The following ANKS1B variants were observed in gnomAD, a reference collection of about 807,000 sequenced individuals.
ANKS1B encodes ankyrin repeat and sterile alpha motif domain-containing protein 1B.
A neutral mutation model predicts 148.3 loss-of-function variants in ANKS1B; 36 were observed. The ratio of observed to expected loss-of-function variants is 0.24; its 90% CI spans 0.19 to 0.32. The LOEUF is 0.32. ANKS1B is among the 10% of genes least tolerant of loss of function. ANKS1B has a pLI of 1.00. For synonymous variants in ANKS1B, 542 were observed against 560.8 expected, an observed-to-expected ratio of 0.97 and a Z score of 0.47; for missense variants, 1,157 against 1,542.6, an observed-to-expected ratio of 0.75 and a Z score of 4.19.
At chr12:99,967,299 A>G (rs2095496178) in intron 1 of ANKS1B, among the ~76,000 whole-genome samples, 1 of 152,178 alleles carries the variant, frequency 6.6e-6, no homozygotes, top group Non-Finnish European at 1.5e-5. Flanking sequence ...AGATGTTATC[A>G]CCTCCACTTT....
At chr12:99,303,115 C>T (rs753630194) in intron 12 of ANKS1B, among the ~76,000 whole-genome samples, 1 of 152,086 alleles carries the variant, frequency 6.6e-6, no homozygotes. Flanking sequence ...GGCAATACAG[C>T]AACCTCTAAG....
chr12:99,628,713 C>T (rs766341187), intron 9 of ANKS1B, among the ~76,000 whole-genome samples: 8 of 152,080 alleles, frequency 5.3e-5, no homozygotes, highest in Non-Finnish European at 1.2e-4. Context: ...CAAGGGGTCC[C>T]AATCTTGTGA....
chr12:99,113,071 A>T (rs960967759), intron 15 of ANKS1B, among the ~76,000 whole-genome samples: 1 of 152,218 alleles, frequency 6.6e-6, no homozygotes, highest in Non-Finnish European at 1.5e-5. Flanking sequence ...GCTCTTTAAA[A>T]TGTATCTTGA....
intron 17 of ANKS1B, among the ~76,000 whole-genome samples, chr12:99,000,395 A>C (rs1156327634): frequency 6.7e-6 from 1 of 149,350 alleles, no homozygotes; most frequent in Non-Finnish European, 1.5e-5. Context: ...CAGCCTCCTG[A>C]GTAGCTGGGA....
At chr12:99,066,960 A>T (rs1182096090) in intron 16 of ANKS1B, among the ~76,000 whole-genome samples, 1 of 152,168 alleles carries the variant, frequency 6.6e-6, no homozygotes, top group East Asian at 1.9e-4. Context: ...GTGCTCAGTG[A>T]GGATTCCAGG....
At chr12:99,769,476 T>C (rs1370134258) in intron 8 of ANKS1B, among the ~76,000 whole-genome samples, 1 of 152,172 alleles carries the variant, frequency 6.6e-6, no homozygotes, top group Non-Finnish European at 1.5e-5. Context: ...ACTTTTATTT[T>C]CCAAAAATGT....
In ANKS1B at chr12:98,907,005, C is replaced by CTGTGTG. The variant is rs59857138; in HGVS notation, c.2779-74875_2779-74870dup. 6.0e-3 allele frequency among the ~76,000 whole-genome samples: 876 copies of CTGTGTG among 145,738 alleles called. 11 individuals are homozygous for CTGTGTG. The highest frequency in any genetic ancestry group is 0.021 in the African/African-American group (845 of 39,352). ...CATATCATCCCCTCACATAGTTACT[C>CTGTGTG]TGTGTGTGTGTGTGTGTGTGTGTGT... On this transcript the variant is annotated intron_variant, in intron 17 of 26. Coordinates refer to ENST00000683438, the MANE Select transcript of ANKS1B (RefSeq NM_001352186.2).
chr12:99,463,415 C>T (rs540432401), intron 10 of ANKS1B, among the ~76,000 whole-genome samples: 3 of 152,304 alleles, frequency 2.0e-5, no homozygotes, highest in South Asian at 4.1e-4. Context: ...GTTCATCTCA[C>T]TAGGGAGTGC....
intron 17 of ANKS1B, among the ~76,000 whole-genome samples, chr12:98,947,692 T>C (rs2099847519): frequency 6.6e-6 from 1 of 152,186 alleles, no homozygotes; most frequent in African/African-American, 2.4e-5. Flanking sequence ...AGAATAAAGT[T>C]ATTTTCCATA....
chr12:99,006,230 C>T (rs929787653), intron 17 of ANKS1B, among the ~76,000 whole-genome samples: 3 of 152,142 alleles, frequency 2.0e-5, no homozygotes, highest in African/African-American at 4.8e-5. Context: ...AAGGCTATGC[C>T]GAGTGAAGAC....
intron 5 of ANKS1B, 125 bp downstream of exon 5, chr12:99,781,897 T>C: frequency 2.7e-6 from 2 of 752,664 alleles, no homozygotes; most frequent in Non-Finnish European, 4.3e-6. Flanking sequence ...TGAATACATA[T>C]CTGCATTTTA....
chr12:99,575,100 A>T (rs139620290), intron 9 of ANKS1B, among the ~76,000 whole-genome samples: 44 of 152,232 alleles, frequency 2.9e-4, no homozygotes, highest in African/African-American at 1.0e-3. Flanking sequence ...TATATCAGTA[A>T]ACCATTGGAC....
chr12:99,076,601 C>T (rs1054354853), intron 16 of ANKS1B, among the ~76,000 whole-genome samples: 2 of 152,084 alleles, frequency 1.3e-5, no homozygotes, highest in African/African-American at 4.8e-5. Context: ...GACATATAGC[C>T]AATGTCATCC....
intron 14 of ANKS1B, among the ~76,000 whole-genome samples, chr12:99,239,502 T>C (rs1379738880): frequency 2.0e-5 from 3 of 152,180 alleles, no homozygotes; most frequent in Non-Finnish European, 4.4e-5. Flanking sequence ...TTCAGGATAT[T>C]ATCTAGGAGA....
At chr12:99,774,896 A>G (rs2063515942) in intron 7 of ANKS1B, among the ~76,000 whole-genome samples, 1 of 152,150 alleles carries the variant, frequency 6.6e-6, no homozygotes, top group Non-Finnish European at 1.5e-5. Flanking sequence ...GAGATGAACC[A>G]GGTACAGAAA....
chr12:98,874,644 T>C lies in ANKS1B; in HGVS notation c.2779-42508A>G, dbSNP rs530941822. ...GACAGAGAGGAAACATGGAGATTTA[T>C]TGGACAAAAAGACTAGGAACCTGGT... On this transcript the variant is annotated intron_variant, in intron 17 of 26. Transcript: ENST00000683438. Among the ~76,000 whole-genome samples, 41 of 152,268 alleles carry C rather than the reference T, an allele frequency of 2.7e-4. 1 individual carries two copies. In the South Asian group the frequency reaches 6.8e-3, roughly 25 times the overall value.
At chr12:99,299,826 G>C (rs1270307843) in intron 12 of ANKS1B, among the ~76,000 whole-genome samples, 2 of 151,730 alleles carry the variant, frequency 1.3e-5, no homozygotes, top group Non-Finnish European at 2.9e-5. Flanking sequence ...TTTTCTTTTT[G>C]ATATTAGGTA....
intron 8 of ANKS1B, among the ~76,000 whole-genome samples, chr12:99,678,663 T>C (rs778456532): frequency 1.3e-5 from 2 of 152,184 alleles, no homozygotes; most frequent in Non-Finnish European, 2.9e-5. Context: ...AAATCTCTTT[T>C]TCTAAGCCTA....
chr12:99,856,251 A>G (rs1162193143), intron 1 of ANKS1B, among the ~76,000 whole-genome samples: 1 of 152,176 alleles, frequency 6.6e-6, no homozygotes, highest in Non-Finnish European at 1.5e-5. Context: ...ATACCACAGA[A>G]ATACAAAAGA....
Sources: gnomAD v4.1 joint callset for allele counts (sites outside exome capture counted in the v4.1 genomes callset) on GRCh38, gnomAD v4.1.1 for gene constraint, MANE v1.5 for transcripts, NCBI Gene and HGNC (gene_info 2026-07-23, HGNC 2026-07-21) for gene names.